The following ADAMTS18 variants were observed in gnomAD, a reference collection of about 807,000 sequenced individuals.
ADAMTS18 encodes A disintegrin and metalloproteinase with thrombospondin motifs 18.
A neutral mutation model predicts 165.9 loss-of-function variants in ADAMTS18; 157 were observed. The ratio of observed to expected loss-of-function variants is 0.95; its 90% CI spans 0.83 to 1.08. The LOEUF (loss-of-function observed/expected upper bound fraction) is 1.08. Among genes scored for constraint, ADAMTS18 ranks in the 50% least tolerant of loss-of-function variants. The probability of loss-of-function intolerance (pLI) is 0.00; values close to 1 mark genes in which losing one functional copy is unlikely to be tolerated. For synonymous variants in ADAMTS18, 782 were observed against 578.2 expected (o/e 1.35, Z -5.06); for missense variants, 2,040 against 1,534.0 (o/e 1.33, Z -5.51).
chr16:77,404,467 G>A (rs1055633010), intron 3 of ADAMTS18, among the ~76,000 whole-genome samples: 7 of 152,080 alleles, frequency 4.6e-5, no homozygotes, highest in African/African-American at 1.7e-4. Context: ...AGAACCAATG[G>A]CCATAATAAA....
chr16:77,373,656 C>T (rs1321089744), intron 3 of ADAMTS18, among the ~76,000 whole-genome samples: 2 of 152,034 alleles, frequency 1.3e-5, no homozygotes, highest in Non-Finnish European at 2.9e-5. Context: ...TCTCACAAAT[C>T]ACCACTAAAG....
chr16:77,342,863 A>G (rs1381425429), intron 10 of ADAMTS18, among the ~76,000 whole-genome samples: 2 of 152,160 alleles, frequency 1.3e-5, no homozygotes, highest in African/African-American at 4.8e-5. Context: ...TAGTCACAAG[A>G]GTCCTTATAT....
intron 17 of ADAMTS18, 113 bp from the exon 18 acceptor site, chr16:77,297,528 T>A: frequency 8.6e-7 from 1 of 1,162,920 alleles, no homozygotes; most frequent in Non-Finnish European, 1.3e-6. Context: ...AGATATGGAA[T>A]CCAAATATTT....
chr16:77,337,948 T>C (rs543162627), intron 11 of ADAMTS18, among the ~76,000 whole-genome samples: 4 of 150,704 alleles, frequency 2.7e-5, no homozygotes, highest in Admixed American at 2.0e-4. Context: ...TTGTTGCCCA[T>C]GCTGGAATGC....
chr16:77,362,130 C>T lies in ADAMTS18; in HGVS notation c.1191G>A (p.Trp397Ter), dbSNP rs1253711493. The T allele has an allele frequency of 6.2e-7, 1 of 1,614,060 alleles. No homozygotes were observed. The highest frequency in any genetic ancestry group is 8.5e-7 in the Non-Finnish European group (1 of 1,180,000). The change falls in exon 7 of 23, where the codon TGG becomes TGA. Residue 397 changes from tryptophan to a stop codon, truncating the protein, a stop_gained. Coordinates refer to ENST00000282849, the MANE Select transcript of ADAMTS18 (RefSeq NM_199355.4). LOFTEE classifies it high-confidence loss of function. ...ILLTGFDICS[W>*]KNEPCDTLGF... The stretch of plus-strand genomic sequence containing the variant: ...CTAGAGTGTCACATGGTTCATTCTT[C>T]CAAGAACAAATATCAAATCCTGTTA...
chr16:77,323,564 T>A (rs2056041849), intron 13 of ADAMTS18, among the ~76,000 whole-genome samples: 1 of 152,120 alleles, frequency 6.6e-6, no homozygotes, highest in Admixed American at 6.5e-5. Context: ...TTCCTTTTTT[T>A]TTTTTTTTAA....
At position 77,353,752 on chromosome 16, in the gene ADAMTS18, C is replaced by T. The variant is rs773665384; in HGVS notation, c.1595G>A (p.Cys532Tyr). The T allele has an allele frequency of 6.2e-7, 1 of 1,614,184 alleles. No individual in the cohort carries two copies. Among genetic ancestry groups the T allele is most frequent in the Non-Finnish European group, 8.5e-7 (1 of 1,180,032 alleles). ...ACATACCTTCACAAAACCAAGGCTGCATAACTTGGCTTTTGCTCCAAATTG... is the reference window on the plus strand; with the variant it reads ...ACATACCTTCACAAAACCAAGGCTGTATAACTTGGCTTTTGCTCCAAATTG... ...KWQFGAKAKL[C>Y]SLGFVKDICK... The change falls in exon 10 of 23, where the codon TGC becomes TAC. Residue 532 changes from cysteine to tyrosine, a missense_variant. Cys to Tyr is a radical substitution (Grantham distance 194). Coordinates refer to ENST00000282849, the MANE Select transcript of ADAMTS18 (RefSeq NM_199355.4).
rs4038557 is a variant in ADAMTS18 at position 77,302,004 on chromosome 16, CTTTT to C, written c.2533-1604_2533-1601del. On this transcript the variant is annotated intron_variant, in intron 16 of 22. Coordinates refer to ENST00000282849, the MANE Select transcript of ADAMTS18 (RefSeq NM_199355.4). ...ATTTTGAAGATCTTTCTAGTCTTTG[CTTTT>C]TTTTTTTTTTTTTTTTTAACTTTCG... 1.7e-3 allele frequency among the ~76,000 whole-genome samples: 224 copies of C among 128,780 alleles called. 1 individual carries two copies. Among genetic ancestry groups the C allele is most frequent in the Middle Eastern group, 4.5e-3 (1 of 222 alleles). The allele number at this position is 128,780 out of a possible 152,430, so 84.5% of individuals were successfully genotyped here.
chr16:77,431,795 G>C (rs962016469), intron 2 of ADAMTS18, 184 bp from the exon 3 acceptor site: 8 of 658,454 alleles, frequency 1.2e-5, no homozygotes, highest in African/African-American at 1.1e-4. Flanking sequence ...CAACTAACTC[G>C]GCCACAGTCA....
chr16:77,297,282 G>T lies in ADAMTS18; in HGVS notation c.2801+7C>A. On this transcript the variant is annotated splice_region_variant and intron_variant, in intron 18 of 22. Coordinates refer to ENST00000282849, the MANE Select transcript of ADAMTS18 (RefSeq NM_199355.4). ...ACTAAACAAAAAGACACTTCCAAAT[G>T]ACTTACTAAGCCGGGCAGGAGAAAG... 6.2e-7 allele frequency: 1 copy of T among 1,614,070 alleles called. No homozygotes were observed. The highest frequency in any genetic ancestry group is 1.1e-5 in the South Asian group (1 of 91,046).
At chr16:77,395,974 C>A (rs2057251763) in intron 3 of ADAMTS18, among the ~76,000 whole-genome samples, 1 of 152,184 alleles carries the variant, frequency 6.6e-6, no homozygotes, top group Admixed American at 6.5e-5. Flanking sequence ...GGGTACCCAG[C>A]TACTCAATGT....
At chr16:77,284,161 C>T (rs1034804274) in intron 22 of ADAMTS18, 90 bp from the exon 23 acceptor site, 7 of 848,316 alleles carry the variant, frequency 8.3e-6, no homozygotes, top group Non-Finnish European at 9.5e-6. Context: ...CACTCTGTTA[C>T]CTAGGCTGGA....
intron 10 of ADAMTS18, among the ~76,000 whole-genome samples, chr16:77,352,587 C>T (rs544604994): frequency 6.6e-6 from 1 of 152,168 alleles, no homozygotes; most frequent in South Asian, 2.1e-4. Flanking sequence ...GGGGCACAGG[C>T]TCACTTAGCA....
At chr16:77,428,293 C>G (rs1366731931) in intron 3 of ADAMTS18, among the ~76,000 whole-genome samples, 3 of 152,148 alleles carry the variant, frequency 2.0e-5, no homozygotes, top group African/African-American at 7.2e-5. Flanking sequence ...TGTTCCTTTT[C>G]TGAACTCTTG....
chr16:77,360,439 T>C (rs981093848), intron 7 of ADAMTS18, among the ~76,000 whole-genome samples: 1 of 152,192 alleles, frequency 6.6e-6, no homozygotes, highest in African/African-American at 2.4e-5. Flanking sequence ...CCATGCCCTT[T>C]GCATTAGGAC....
At chr16:77,383,556 T>C (rs2057063236) in intron 3 of ADAMTS18, among the ~76,000 whole-genome samples, 2 of 152,018 alleles carry the variant, frequency 1.3e-5, no homozygotes, top group Admixed American at 1.3e-4. Flanking sequence ...TTTGTTGTTG[T>C]TGTTGGAGAC....
chr16:77,359,560 AAAAAAAG>A (rs1289957863), intron 7 of ADAMTS18, 137 bp from the exon 8 acceptor site: 1 of 700,052 alleles, frequency 1.4e-6, no homozygotes, highest in Non-Finnish European at 2.5e-6. Context: ...AAAAAAAAAA[AAAAAAAG>A]ATCTATAGTT....
chr16:77,366,150 C>T (rs2056790044), intron 4 of ADAMTS18, among the ~76,000 whole-genome samples: 1 of 126,912 alleles, frequency 7.9e-6, no homozygotes, highest in South Asian at 2.3e-4. Context: ...TCCTCTTCTC[C>T]ATGAGAATAA....
chr16:77,326,417 C>T (rs935040568), intron 12 of ADAMTS18, among the ~76,000 whole-genome samples: 1 of 138,962 alleles, frequency 7.2e-6, no homozygotes, highest in African/African-American at 2.5e-5. Context: ...GGGTCTCACA[C>T]TGTTGCCCAG....
Sources: allele counts gnomAD v4.1 joint callset (sites outside exome capture counted in the v4.1 genomes callset), GRCh38; gene constraint gnomAD v4.1.1; transcripts MANE v1.5; gene names NCBI Gene and HGNC (gene_info 2026-07-23, HGNC 2026-07-21).